The following KCNIP1 variants were observed in gnomAD, a reference collection of about 807,000 sequenced individuals.
KCNIP1 encodes the protein potassium voltage-gated channel interacting protein 1, also known as A-type potassium channel modulatory protein KCNIP1.
KCNIP1 carries 18 observed loss-of-function variants against 33.0 expected under a neutral mutation model. That is an observed-to-expected ratio of 0.55 (90% CI 0.38 to 0.81). The LOEUF (loss-of-function observed/expected upper bound fraction) is 0.81, where lower values mean the gene tolerates loss of function less well. Among genes scored for constraint, KCNIP1 ranks in the 30% least tolerant of loss-of-function variants. The pLI, the probability that KCNIP1 is intolerant of heterozygous loss-of-function variation, is 0.00. For synonymous variants in KCNIP1, 93 were observed against 98.3 expected, an observed-to-expected ratio of 0.95 and a Z score of 0.32; for missense variants, 238 against 271.6, an observed-to-expected ratio of 0.88 and a Z score of 0.87.
chr5:170,428,707 T>A (rs1203744733), intron 1 of KCNIP1, among the ~76,000 whole-genome samples: 1 of 152,144 alleles, frequency 6.6e-6, no homozygotes, highest in Non-Finnish European at 1.5e-5. Flanking sequence ...GAAAGGTGTG[T>A]GTCACCTTCA....
chr5:170,593,490 A>G (rs1758337748), intron 1 of KCNIP1, among the ~76,000 whole-genome samples: 2 of 152,240 alleles, frequency 1.3e-5, no homozygotes, highest in Admixed American at 6.5e-5. Context: ...CTTCCATCTC[A>G]GTGACAACAA....
chr5:170,724,887 T>G (rs1446795185), intron 5 of KCNIP1, among the ~76,000 whole-genome samples: 1 of 152,228 alleles, frequency 6.6e-6, no homozygotes, highest in Non-Finnish European at 1.5e-5. Flanking sequence ...AAGATGTGGA[T>G]TCTCCAAATT....
rs778693343 is a variant in KCNIP1 at position 170,378,731 on chromosome 5, G to A, written c.88+24767G>A. 5 of 1,613,820 alleles carry A rather than the reference G, an allele frequency of 3.1e-6. No individual in the cohort carries two copies. The South Asian group carries it at 3.3e-5, about 11-fold the overall frequency. On this transcript the variant is annotated intron_variant, in intron 1 of 7. Coordinates refer to the KCNIP1 transcript ENST00000377360. ...ACTTCTGGGCCGCCAGGATGGACAG[G>A]TACTGGTTGCTCTTCACCATGGCGA...
intron 1 of KCNIP1, among the ~76,000 whole-genome samples, chr5:170,643,898 G>A (rs552669260): frequency 9.2e-5 from 14 of 152,366 alleles, no homozygotes; most frequent in South Asian, 2.1e-4. Flanking sequence ...TGGTCCTGGG[G>A]ATGAAGTGAG....
intron 1 of KCNIP1, among the ~76,000 whole-genome samples, chr5:170,444,351 T>C (rs937915203): frequency 1.3e-5 from 2 of 152,150 alleles, no homozygotes. Flanking sequence ...GGCCGAGTCT[T>C]TCTCAGGCTG....
intron 1 of KCNIP1, among the ~76,000 whole-genome samples, chr5:170,517,903 G>A (rs1407306603): frequency 6.7e-6 from 1 of 149,444 alleles, no homozygotes; most frequent in African/African-American, 2.5e-5. Context: ...AGTGATGGTA[G>A]TGGTTATGGA....
At chr5:170,688,802 T>G (rs926323837) in intron 1 of KCNIP1, among the ~76,000 whole-genome samples, 8 of 152,182 alleles carry the variant, frequency 5.3e-5, no homozygotes, top group African/African-American at 1.7e-4. Flanking sequence ...TCTGGGACTA[T>G]CTGGGCCATG....
At chr5:170,494,726 C>T (rs926727803) in intron 1 of KCNIP1, among the ~76,000 whole-genome samples, 1 of 152,156 alleles carries the variant, frequency 6.6e-6, no homozygotes, top group African/African-American at 2.4e-5. Flanking sequence ...GGCTCCCCGT[C>T]CCCTCACCTC....
chr5:170,576,844 G>A (rs2113504516), intron 1 of KCNIP1, among the ~76,000 whole-genome samples: 1 of 152,334 alleles, frequency 6.6e-6, no homozygotes, highest in South Asian at 2.1e-4. Flanking sequence ...CCCCTTTGAA[G>A]TATTTCTGCT....
At chr5:170,471,522 C>T (rs919065994) in intron 1 of KCNIP1, among the ~76,000 whole-genome samples, 10 of 152,174 alleles carry the variant, frequency 6.6e-5, no homozygotes, top group African/African-American at 2.4e-4. Context: ...GAGGAAGACC[C>T]AGGAAGGAGA....
chr5:170,718,784 AC>A lies in KCNIP1; in HGVS notation c.90del (p.Met31TrpfsTer76), dbSNP rs1763716004. On this transcript the variant is annotated frameshift_variant, in exon 2 of 8. Coordinates refer to ENST00000328939, the MANE Select transcript of KCNIP1 (RefSeq NM_014592.4). LOFTEE classifies it high-confidence loss of function. The stretch of plus-strand genomic sequence containing the variant: ...TAAGATTGAAGATGAGCTGGAGATG[AC>A]CATGGTTTGCCATCGGCCCGAGGGA... ...KDKIEDELEM[T>X]MVCHRPEGLE... 1 of 1,613,062 alleles carries A rather than the reference AC, an allele frequency of 6.2e-7. No individual in the cohort carries two copies. Among genetic ancestry groups the A allele is most frequent in the Admixed American group, 1.7e-5 (1 of 59,828 alleles).
chr5:170,681,244 G>C, intron 1 of KCNIP1: 1 of 398,328 alleles, frequency 2.5e-6, no homozygotes, highest in Non-Finnish European at 4.4e-6. Flanking sequence ...TGCTGTGACA[G>C]TCGTTTCGAA....
chr5:170,545,588 T>C lies in KCNIP1; in HGVS notation c.61+40955T>C, dbSNP rs187946230. Among the ~76,000 whole-genome samples the C allele has an allele frequency of 4.5e-4, 69 of 152,334 alleles. 3 individuals are homozygous for C. Among genetic ancestry groups the C allele is most frequent in the African/African-American group, 1.7e-3 (69 of 41,578 alleles). The stretch of plus-strand genomic sequence containing the variant: ...CTTTCTCTTTTCTCTCTGGTTTTAA[T>C]TGGAATTTTACCTATTGTTCTGTCT... On this transcript the variant is annotated intron_variant, in intron 1 of 7. Transcript: ENST00000328939.
chr5:170,597,784 A>AATAAATAAATATATAT (rs1433551163), intron 1 of KCNIP1, among the ~76,000 whole-genome samples: 3 of 134,432 alleles, frequency 2.2e-5, no homozygotes, highest in African/African-American at 6.1e-5. Context: ...GAGAGAGATA[A>AATAAATAAATATATAT]ATATATATAT....
chr5:170,655,360 G>C (rs1012151965), intron 1 of KCNIP1, among the ~76,000 whole-genome samples: 1 of 152,190 alleles, frequency 6.6e-6, no homozygotes, highest in Non-Finnish European at 1.5e-5. Context: ...GAGGAGGCAC[G>C]TGGAAGCCAA....
At chr5:170,480,451 C>T (rs534980168) in intron 1 of KCNIP1, among the ~76,000 whole-genome samples, 2 of 151,028 alleles carry the variant, frequency 1.3e-5, no homozygotes, top group Non-Finnish European at 1.5e-5. Context: ...TCCTAAAGTG[C>T]GCTTCATCTC....
intron 1 of KCNIP1, among the ~76,000 whole-genome samples, chr5:170,469,828 G>C (rs1756684130): frequency 6.6e-6 from 1 of 152,172 alleles, no homozygotes; most frequent in Admixed American, 6.5e-5. Context: ...CAAGTTTTCT[G>C]ATGACCTGAC....
intron 1 of KCNIP1, among the ~76,000 whole-genome samples, chr5:170,690,423 G>C (rs900160697): frequency 6.6e-6 from 1 of 152,274 alleles, no homozygotes; most frequent in African/African-American, 2.4e-5. Flanking sequence ...GAGTTCTCCT[G>C]ATATTTCAAA....
At chr5:170,612,515 C>A (rs918065216) in intron 1 of KCNIP1, among the ~76,000 whole-genome samples, 3 of 152,300 alleles carry the variant, frequency 2.0e-5, no homozygotes, top group Non-Finnish European at 4.4e-5. Context: ...AGAGTGACAG[C>A]CAGCCAGTCT....
Sources: gnomAD v4.1 joint callset for allele counts (sites outside exome capture counted in the v4.1 genomes callset) on GRCh38, gnomAD v4.1.1 for gene constraint, MANE v1.5 for transcripts, NCBI Gene and HGNC (gene_info 2026-07-23, HGNC 2026-07-21) for gene names.